TENM2: variants seen among roughly 807,000 people sequenced by gnomAD.
TENM2 encodes the protein teneurin transmembrane protein 2.
TENM2 carries 52 observed loss-of-function variants against 245.2 expected under a neutral mutation model. That is an observed-to-expected ratio of 0.21 (90% CI 0.17 to 0.27). TENM2 has a LOEUF of 0.27. TENM2 is among the 10% of genes least tolerant of loss of function. The pLI is 1.00. For missense variants in TENM2, 3,046 were observed against 3,666.8 expected (o/e 0.83, Z 4.37); for synonymous variants, 1,363 against 1,438.9 (o/e 0.95, Z 1.19).
intron 2 of TENM2, among the ~76,000 whole-genome samples, chr5:167,599,155 A>G (rs1402912347): frequency 2.0e-5 from 3 of 152,224 alleles, no homozygotes; most frequent in Non-Finnish European, 2.9e-5. Flanking sequence ...AGCTTTGTAT[A>G]TAGAATTTAT....
chr5:167,487,924 G>A (rs1768181606), intron 2 of TENM2, among the ~76,000 whole-genome samples: 1 of 152,020 alleles, frequency 6.6e-6, no homozygotes, highest in South Asian at 2.1e-4. Context: ...ATATTTTCTG[G>A]TCATAGAAGG....
intron 2 of TENM2, among the ~76,000 whole-genome samples, chr5:167,722,480 A>G (rs1759696024): frequency 6.6e-6 from 1 of 152,250 alleles, no homozygotes; most frequent in Non-Finnish European, 1.5e-5. Flanking sequence ...ATATAGAAAT[A>G]GAGATTTTTT....
At chr5:168,162,851 C>A in intron 13 of TENM2, 94 bp downstream of exon 15, 4 of 1,392,130 alleles carry the variant, frequency 2.9e-6, no homozygotes, top group Non-Finnish European at 4.0e-6. Context: ...ACCTCCCCTG[C>A]ACTATTGTCA....
At chr5:167,370,724 C>T (rs1760366321) in intron 1 of TENM2, among the ~76,000 whole-genome samples, 3 of 152,200 alleles carry the variant, frequency 2.0e-5, no homozygotes, top group Admixed American at 2.0e-4. Context: ...TATCAGGAGA[C>T]TGGAGGCAGA....
intron 12 of TENM2, among the ~76,000 whole-genome samples, chr5:168,149,695 C>T (rs1270054249): frequency 6.6e-6 from 1 of 152,104 alleles, no homozygotes; most frequent in Non-Finnish European, 1.5e-5. Context: ...ACAAAGGGAG[C>T]CTTTAAAAAC....
At chr5:167,577,893 C>G (rs1485720962) in intron 2 of TENM2, among the ~76,000 whole-genome samples, 1 of 152,198 alleles carries the variant, frequency 6.6e-6, no homozygotes, top group Non-Finnish European at 1.5e-5. Flanking sequence ...AACTCCCTCC[C>G]TTAGGAGAGC....
intron 2 of TENM2, among the ~76,000 whole-genome samples, chr5:167,596,424 A>T (rs1776214595): frequency 6.6e-6 from 1 of 152,196 alleles, no homozygotes; most frequent in Non-Finnish European, 1.5e-5. Context: ...GTCTTGAGCC[A>T]ATTCCCATTA....
At chr5:167,110,976 T>C in the TENM2 span, among the ~76,000 whole-genome samples, 1 of 152,198 alleles carries the variant, frequency 6.6e-6, no homozygotes, top group South Asian at 2.1e-4. Flanking sequence ...ATGGATTATT[T>C]TGAGTTCTCT....
chr5:168,044,264 A>G (rs1250403131), intron 5 of TENM2, among the ~76,000 whole-genome samples: 6 of 152,050 alleles, frequency 3.9e-5, no homozygotes, highest in Non-Finnish European at 8.8e-5. Context: ...AAATACAAAA[A>G]CAAAATTAGC....
At chr5:167,490,603 C>T (rs1768369142) in intron 2 of TENM2, among the ~76,000 whole-genome samples, 1 of 151,954 alleles carries the variant, frequency 6.6e-6, no homozygotes, top group South Asian at 2.1e-4. Flanking sequence ...AATTTATACC[C>T]ACATGTCTTA....
At chr5:167,389,494 T>G (rs1761636676) in intron 2 of TENM2, among the ~76,000 whole-genome samples, 1 of 152,132 alleles carries the variant, frequency 6.6e-6, no homozygotes, top group African/African-American at 2.4e-5. Context: ...ACATTAAATA[T>G]TTTCTCCAAT....
At chr5:167,862,424 T>C (rs990450881) in intron 2 of TENM2, among the ~76,000 whole-genome samples, 1 of 152,242 alleles carries the variant, frequency 6.6e-6, no homozygotes, top group Admixed American at 6.5e-5. Flanking sequence ...TAGCCATAAC[T>C]AAGCAATGTG....
At chr5:168,060,332 T>A (rs1304126949) in intron 6 of TENM2, among the ~76,000 whole-genome samples, 1 of 152,178 alleles carries the variant, frequency 6.6e-6, no homozygotes, top group Admixed American at 6.5e-5. Flanking sequence ...GAGGATCACT[T>A]GAGCCCAGGA....
At chr5:167,153,682 TAC>T in the TENM2 span, among the ~76,000 whole-genome samples, 355 of 150,486 alleles carry the variant, frequency 2.4e-3, 1 homozygote, top group African/African-American at 7.9e-3. Flanking sequence ...TATATATATA[TAC>T]ACACACACAC....
chr5:167,260,234 A>G, the TENM2 span, among the ~76,000 whole-genome samples: 16 of 152,214 alleles, frequency 1.1e-4, no homozygotes, highest in Non-Finnish European at 1.9e-4. Context: ...ATTATTCTTT[A>G]TTTCTTCATT....
intron 5 of TENM2, among the ~76,000 whole-genome samples, chr5:168,013,699 A>G (rs1196150566): frequency 6.6e-6 from 1 of 152,160 alleles, no homozygotes; most frequent in Admixed American, 6.5e-5. Flanking sequence ...TCTCTTACAT[A>G]CTTGTCCAGG....
intron 2 of TENM2, among the ~76,000 whole-genome samples, chr5:167,609,778 C>T (rs1448584125): frequency 6.6e-6 from 1 of 152,128 alleles, no homozygotes; most frequent in Non-Finnish European, 1.5e-5. Context: ...GTTTTTCCTA[C>T]TCTCACATGT....
At chr5:167,567,555 T>C (rs895594089) in intron 2 of TENM2, among the ~76,000 whole-genome samples, 2 of 152,178 alleles carry the variant, frequency 1.3e-5, no homozygotes, top group Non-Finnish European at 2.9e-5. Flanking sequence ...GACTTCCAAC[T>C]AATGTATAAA....
At chr5:167,674,144 A>G (rs763823383) in intron 2 of TENM2, among the ~76,000 whole-genome samples, 1 of 152,140 alleles carries the variant, frequency 6.6e-6, no homozygotes, top group East Asian at 1.9e-4. Flanking sequence ...GTAGCTATGC[A>G]TGGGTGTTGA....
Sources: gnomAD v4.1 joint callset for allele counts (sites outside exome capture counted in the v4.1 genomes callset) on GRCh38, gnomAD v4.1.1 for gene constraint, MANE v1.5 for transcripts, NCBI Gene and HGNC (gene_info 2026-07-23, HGNC 2026-07-21) for gene names.